Variants in PAK6 observed in about 807,000 individuals in gnomAD.
PAK6 encodes the protein p21 (RAC1) activated kinase 6.
PAK6 carries 33 observed loss-of-function variants against 60.8 expected under a neutral mutation model. The observed-to-expected ratio is 0.54, with a 90% CI of 0.41 to 0.73. PAK6 has a LOEUF of 0.73. Among genes scored for constraint, PAK6 ranks in the 30% least tolerant of loss-of-function variants. The pLI, the probability that PAK6 is intolerant of heterozygous loss-of-function variation, is 0.00. For missense variants in PAK6, 845 were observed against 904.1 expected, an observed-to-expected ratio of 0.93 and a Z score of 0.84; for synonymous variants, 404 against 378.5, an observed-to-expected ratio of 1.07 and a Z score of -0.78.
At chr15:40,253,356 G>C in intron 3 of PAK6, 67 bp downstream of exon 3, 1 of 441,468 alleles carries the variant, frequency 2.3e-6, no homozygotes, top group Admixed American at 2.4e-5. Context: ...GGCAGGGAGG[G>C]ACAGTGGGCA....
At chr15:40,264,899 A>G (rs2039079295) in exon 4 of PAK6, 1 of 1,613,768 alleles carries the variant, frequency 6.2e-7, no homozygotes, top group Non-Finnish European at 8.5e-7. Flanking sequence ...GCCTCCCCCC[A>G]CAATGGCAGA....
intron 3 of PAK6, among the ~76,000 whole-genome samples, chr15:40,254,377 G>A (rs1229502138): frequency 1.3e-5 from 2 of 152,160 alleles, no homozygotes; most frequent in African/African-American, 4.8e-5. Flanking sequence ...CAAAGCAATA[G>A]GAATAAAGTA....
intron 2 of PAK6, among the ~76,000 whole-genome samples, chr15:40,247,715 T>C (rs2038533379): frequency 6.6e-6 from 1 of 152,146 alleles, no homozygotes; most frequent in African/African-American, 2.4e-5. Flanking sequence ...ACCCATGGAC[T>C]TTTCCAAAAC....
chr15:40,255,676 C>A (rs768673674), intron 3 of PAK6, among the ~76,000 whole-genome samples: 1 of 152,164 alleles, frequency 6.6e-6, no homozygotes, highest in South Asian at 2.1e-4. Flanking sequence ...TGAAGAGGAG[C>A]AGATGGCAGA....
intron 3 of PAK6, among the ~76,000 whole-genome samples, chr15:40,254,561 C>T (rs1457747884): frequency 6.6e-6 from 1 of 152,186 alleles, no homozygotes; most frequent in Non-Finnish European, 1.5e-5. Context: ...ACCCTGGAAC[C>T]TCAACTGTTG....
chr15:40,258,260 G>T (rs989536498), intron 3 of PAK6, among the ~76,000 whole-genome samples: 1 of 152,192 alleles, frequency 6.6e-6, no homozygotes, highest in African/African-American at 2.4e-5. Flanking sequence ...CATACCTCAC[G>T]CACATCTTGC....
At chr15:40,273,628 C>T in exon 9 of PAK6, 1 of 1,614,080 alleles carries the variant, frequency 6.2e-7, no homozygotes, top group Non-Finnish European at 8.5e-7. Flanking sequence ...TGGGAACCCC[C>T]TACTGGATGG....
At chr15:40,262,020 G>T (rs1417982584) in intron 3 of PAK6, among the ~76,000 whole-genome samples, 1 of 149,566 alleles carries the variant, frequency 6.7e-6, no homozygotes, top group Non-Finnish European at 1.5e-5. Flanking sequence ...CTTGGGTGGG[G>T]CAGGGGAGTT....
chr15:40,272,348 GC>G lies in PAK6; in HGVS notation c.988del (p.Gln330ArgfsTer56). 1 of 1,613,794 alleles carries G rather than the reference GC, an allele frequency of 6.2e-7. No homozygotes were observed. The stretch of plus-strand genomic sequence containing the variant: ...CCTCTGACCACTTCGGATACCAGCA[GC>G]CCCCAGAAGTCCCTCCGCACAGCCC... On this transcript the variant is annotated frameshift_variant, in exon 6 of 11. Transcript: ENST00000560346. LOFTEE classifies it high-confidence loss of function.
chr15:40,269,921 A>G (rs1359522042), intron 5 of PAK6, among the ~76,000 whole-genome samples: 1 of 152,256 alleles, frequency 6.6e-6, no homozygotes, highest in Non-Finnish European at 1.5e-5. Flanking sequence ...GAGCTGGCCC[A>G]TGCAGAAGCC....
intron 2 of PAK6, chr15:40,251,401 A>G (rs1420005342): frequency 1.3e-5 from 2 of 152,130 alleles, no homozygotes; most frequent in Non-Finnish European, 2.9e-5. Context: ...CCTGAGCTCT[A>G]TTAGGTGGGC....
At chr15:40,273,897 G>C (rs1437358373) in intron 9 of PAK6, 2 of 669,656 alleles carry the variant, frequency 3.0e-6, no homozygotes, top group Admixed American at 5.8e-5. Flanking sequence ...GGCAGAATGG[G>C]GTATGGCCGG....
exon 11 of PAK6, chr15:40,276,246 C>T: frequency 1.3e-6 from 1 of 754,282 alleles, no homozygotes; most frequent in South Asian, 1.7e-5. Flanking sequence ...CTTCAGCCTA[C>T]TGGGCCAGGC....
Position 40,272,732 on chromosome 15 carries a change from A to G in PAK6, c.1356+11A>G. 2 of 1,581,604 alleles carry G rather than the reference A, an allele frequency of 1.3e-6. No individual in the cohort carries two copies. The highest frequency in any genetic ancestry group is 1.1e-5 in the South Asian group (1 of 87,810). On this transcript the variant is annotated intron_variant, in intron 6 of 10. Coordinates refer to ENST00000560346, the Ensembl canonical transcript of PAK6. The stretch of plus-strand genomic sequence containing the variant: ...CTGCTCTTCAACGAGGTGGGAGGAC[A>G]GGGTGGGACACAGACGGGGGCGTTG...
intron 3 of PAK6, among the ~76,000 whole-genome samples, chr15:40,261,515 C>G (rs1027665839): frequency 5.3e-5 from 8 of 151,984 alleles, no homozygotes; most frequent in Admixed American, 4.6e-4. Flanking sequence ...CCAGCCCGGG[C>G]AAGACAGCGA....
At chr15:40,273,838 T>G (rs2039377553) in intron 9 of PAK6, 162 bp downstream of exon 9, 3 of 872,828 alleles carry the variant, frequency 3.4e-6, no homozygotes, top group Non-Finnish European at 5.2e-6. Flanking sequence ...TCTTACCCAG[T>G]GACTTTGCTG....
At chr15:40,243,735 T>C (rs2038420967) in intron 2 of PAK6, among the ~76,000 whole-genome samples, 1 of 152,204 alleles carries the variant, frequency 6.6e-6, no homozygotes, top group South Asian at 2.1e-4. Context: ...AAATAGCATA[T>C]TGTTTGTCCA....
intron 1 of PAK6, 85 bp from the exon 2 acceptor site, chr15:40,240,514 C>A (rs2038293718): frequency 2.5e-6 from 1 of 393,318 alleles, no homozygotes; most frequent in Non-Finnish European, 4.9e-6. Flanking sequence ...CAACCAGGAG[C>A]CTTCAAGAGA....
At chr15:40,244,200 G>A (rs779795673) in intron 2 of PAK6, among the ~76,000 whole-genome samples, 21 of 151,590 alleles carry the variant, frequency 1.4e-4, no homozygotes, top group Admixed American at 3.3e-4. Flanking sequence ...ACGTGGTGGC[G>A]CGTGCCTGTA....
Sources: allele counts gnomAD v4.1 joint callset (sites outside exome capture counted in the v4.1 genomes callset), GRCh38; gene constraint gnomAD v4.1.1; transcripts MANE v1.5; gene names NCBI Gene and HGNC (gene_info 2026-07-23, HGNC 2026-07-21).